CADM2: variants seen among roughly 807,000 people sequenced by gnomAD.
CADM2 encodes the protein immunoglobulin superfamily member 4D.
In CADM2, 12 loss-of-function variants were observed where a neutral mutation model predicts 49.8. The observed-to-expected ratio is 0.24, with a 90% confidence interval of 0.15 to 0.39. The LOEUF (loss-of-function observed/expected upper bound fraction) is 0.39. CADM2 is among the 10% of genes least tolerant of loss of function. CADM2 has a pLI of 1.00. For missense variants in CADM2, 378 were observed against 492.3 expected (o/e 0.77, Z 2.20); for synonymous variants, 214 against 175.4 (o/e 1.22, Z -1.74).
intron 1 of CADM2, among the ~76,000 whole-genome samples, chr3:85,183,640 C>A (rs908235072): frequency 6.6e-6 from 1 of 152,070 alleles, no homozygotes; most frequent in Non-Finnish European, 1.5e-5. Flanking sequence ...TTGAAGTAAC[C>A]AATCTCTTCA....
At chr3:86,018,438 C>T (rs1732626000) in intron 8 of CADM2, among the ~76,000 whole-genome samples, 1 of 151,648 alleles carries the variant, frequency 6.6e-6, no homozygotes, top group Non-Finnish European at 1.5e-5. Flanking sequence ...TTCTAGATCC[C>T]TGAGGAATCG....
chr3:85,412,332 T>G (rs2035692726), intron 1 of CADM2, among the ~76,000 whole-genome samples: 1 of 152,188 alleles, frequency 6.6e-6, no homozygotes, highest in East Asian at 1.9e-4. Flanking sequence ...TTCTAATGTG[T>G]TTTCTTATAA....
intron 1 of CADM2, among the ~76,000 whole-genome samples, chr3:85,648,821 A>C (rs1239653741): frequency 6.6e-6 from 1 of 152,014 alleles, no homozygotes; most frequent in Non-Finnish European, 1.5e-5. Context: ...AAGCCATGTA[A>C]TATTCATGGA....
At chr3:84,994,659 G>A (rs1313686987) in intron 1 of CADM2, among the ~76,000 whole-genome samples, 2 of 152,106 alleles carry the variant, frequency 1.3e-5, no homozygotes, top group East Asian at 3.8e-4. Flanking sequence ...AATGTGTAGA[G>A]TATGACTTAA....
At chr3:85,286,502 A>C (rs1307865253) in intron 1 of CADM2, among the ~76,000 whole-genome samples, 5 of 152,150 alleles carry the variant, frequency 3.3e-5, no homozygotes, top group Non-Finnish European at 1.5e-5. Context: ...GAGTGAATTC[A>C]GCCCAAATGT....
At chr3:85,623,559 G>A (rs1389222956) in intron 1 of CADM2, among the ~76,000 whole-genome samples, 1 of 152,110 alleles carries the variant, frequency 6.6e-6, no homozygotes. Context: ...AGTGAACAAA[G>A]GGTACTTAGC....
chr3:85,609,087 G>T (rs553479724), intron 1 of CADM2, among the ~76,000 whole-genome samples: 4 of 151,954 alleles, frequency 2.6e-5, no homozygotes, highest in Non-Finnish European at 5.9e-5. Flanking sequence ...CTGTTTCTCA[G>T]GTACTACTTT....
intron 3 of CADM2, among the ~76,000 whole-genome samples, chr3:85,819,423 T>C (rs1173042971): frequency 1.3e-5 from 2 of 152,130 alleles, no homozygotes; most frequent in South Asian, 2.1e-4. Flanking sequence ...TCACAGAATA[T>C]ATATGAAAAG....
At chr3:85,065,125 C>T (rs896807441) in intron 1 of CADM2, among the ~76,000 whole-genome samples, 11 of 151,854 alleles carry the variant, frequency 7.2e-5, no homozygotes, top group Non-Finnish European at 1.5e-4. Flanking sequence ...AATTAGTAAA[C>T]TTACTTATCA....
intron 1 of CADM2, among the ~76,000 whole-genome samples, chr3:85,353,767 C>T (rs74465034): frequency 1.6e-3 from 247 of 151,674 alleles, no homozygotes; most frequent in Non-Finnish European, 2.6e-3. Context: ...TTCTTATTAC[C>T]GAAATCAATG....
chr3:85,133,287 T>C (rs2107613402), intron 1 of CADM2, among the ~76,000 whole-genome samples: 1 of 152,304 alleles, frequency 6.6e-6, no homozygotes, highest in African/African-American at 2.4e-5. Flanking sequence ...TTTATTCTCT[T>C]ATCTGGCCCC....
At chr3:85,834,897 C>T (rs946904422) in intron 3 of CADM2, among the ~76,000 whole-genome samples, 1 of 151,594 alleles carries the variant, frequency 6.6e-6, no homozygotes, top group African/African-American at 2.4e-5. Flanking sequence ...TTGTTCAGAA[C>T]TCATAAATGA....
chr3:85,380,942 T>G (rs1254487333), intron 1 of CADM2, among the ~76,000 whole-genome samples: 1 of 152,100 alleles, frequency 6.6e-6, no homozygotes, highest in Non-Finnish European at 1.5e-5. Context: ...TGTATTAATG[T>G]AATCTTAAAA....
At chr3:85,657,690 A>G (rs899065578) in intron 1 of CADM2, among the ~76,000 whole-genome samples, 2 of 61,548 alleles carry the variant, frequency 3.2e-5, no homozygotes, top group African/African-American at 7.4e-5. Flanking sequence ...TTATGTATAT[A>G]TATACAGATA....
intron 1 of CADM2, among the ~76,000 whole-genome samples, chr3:85,484,295 C>T (rs1322726721): frequency 1.3e-5 from 2 of 151,900 alleles, no homozygotes; most frequent in Non-Finnish European, 2.9e-5. Flanking sequence ...TGCTTATGCT[C>T]TGTATTAACA....
At position 86,012,585 on chromosome 3, in the gene CADM2, A is replaced by G; in HGVS notation, c.970+50938A>G. ...GATGCCGAACTTCTGCGCTGCCCCCAACTGCACGCGAAGCGCACGCAGTCC... is the reference window on the plus strand; with the variant it reads ...GATGCCGAACTTCTGCGCTGCCCCCGACTGCACGCGAAGCGCACGCAGTCC... On this transcript the variant is annotated intron_variant, in intron 8 of 9. Transcript: ENST00000383699. The G allele has an allele frequency of 1.9e-6, 3 of 1,566,934 alleles. No individual in the cohort carries two copies. The South Asian group carries it at 3.4e-5, about 18-fold the overall frequency.
At chr3:86,010,222 G>T (rs915800541) in intron 8 of CADM2, among the ~76,000 whole-genome samples, 6 of 151,890 alleles carry the variant, frequency 4.0e-5, no homozygotes, top group Non-Finnish European at 7.4e-5. Context: ...ATATTCATCT[G>T]AGTAAACTGA....
chr3:85,697,972 G>A (rs1274053112), intron 1 of CADM2, among the ~76,000 whole-genome samples: 1 of 152,126 alleles, frequency 6.6e-6, no homozygotes, highest in East Asian at 1.9e-4. Flanking sequence ...AGCATTTTTT[G>A]TATTGGTTAT....
intron 1 of CADM2, among the ~76,000 whole-genome samples, chr3:85,622,888 C>T (rs55869020): frequency 0.011 from 1,701 of 152,046 alleles, 35 homozygotes; most frequent in African/African-American, 0.039. Flanking sequence ...GTTTTGTTTT[C>T]TGTACTCAAA....
Sources: gnomAD v4.1 joint callset for allele counts (sites outside exome capture counted in the v4.1 genomes callset) on GRCh38, gnomAD v4.1.1 for gene constraint, MANE v1.5 for transcripts, NCBI Gene and HGNC (gene_info 2026-07-23, HGNC 2026-07-21) for gene names.